CTBP2: variants seen among roughly 807,000 people sequenced by gnomAD.
The protein encoded by CTBP2 is C-terminal binding protein 2, also known as C-terminal-binding protein 2.
A neutral mutation model predicts 80.3 loss-of-function variants in CTBP2; 30 were observed. The ratio of observed to expected loss-of-function variants is 0.37; its 90% CI spans 0.28 to 0.51. The LOEUF (loss-of-function observed/expected upper bound fraction) is 0.51, where lower values mean the gene tolerates loss of function less well. Among genes scored for constraint, CTBP2 ranks in the 20% least tolerant of loss-of-function variants. The pLI, the probability that CTBP2 is intolerant of heterozygous loss-of-function variation, is 0.93. For synonymous variants in CTBP2, 594 were observed against 587.4 expected, an observed-to-expected ratio of 1.01 and a Z score of -0.16; for missense variants, 1,212 against 1,375.3, an observed-to-expected ratio of 0.88 and a Z score of 1.88.
At chr10:125,013,523 G>A (rs192023898) in intron 1 of CTBP2, among the ~76,000 whole-genome samples, 1 of 152,292 alleles carries the variant, frequency 6.6e-6, no homozygotes, top group Non-Finnish European at 1.5e-5. Flanking sequence ...CAAGTTTCTG[G>A]TAACAAAGGG....
At chr10:125,105,626 T>A (rs1238541166) in intron 2 of CTBP2, among the ~76,000 whole-genome samples, 1 of 152,202 alleles carries the variant, frequency 6.6e-6, no homozygotes, top group Non-Finnish European at 1.5e-5. Context: ...AGTGAAATGC[T>A]GTGTGTCCTT....
At chr10:125,053,607 A>T (rs774098167) in intron 2 of CTBP2, among the ~76,000 whole-genome samples, 3 of 152,120 alleles carry the variant, frequency 2.0e-5, no homozygotes, top group Non-Finnish European at 2.9e-5. Context: ...TGAGGCTAAT[A>T]GGTTTTGGTT....
At chr10:125,052,786 ACATTCC>A (rs1398607770) in intron 2 of CTBP2, among the ~76,000 whole-genome samples, 1 of 152,210 alleles carries the variant, frequency 6.6e-6, no homozygotes, top group African/African-American at 2.4e-5. Flanking sequence ...CAGCCCCAAC[ACATTCC>A]CATGGGAGCC....
chr10:125,159,004 G>A lies in CTBP2; in HGVS notation c.-206+1315C>T, dbSNP rs142911325. On this transcript the variant is annotated intron_variant, in intron 1 of 10. Coordinates refer to the CTBP2 transcript ENST00000337195. Reference sequence around the variant, plus strand: ...CCCCAGGGCGCGGCGTGGGCTGCAGGCGACCCGCCACGCCGCTGGGCCTCC... The same window carrying A: ...CCCCAGGGCGCGGCGTGGGCTGCAGACGACCCGCCACGCCGCTGGGCCTCC... Among the ~76,000 whole-genome samples, 415 of 151,426 alleles carry A rather than the reference G, an allele frequency of 2.7e-3. 1 individual carries two copies. Among genetic ancestry groups the A allele is most frequent in the Middle Eastern group, 0.014 (4 of 288 alleles).
intron 8 of CTBP2, among the ~76,000 whole-genome samples, chr10:124,990,416 A>G (rs1162241800): frequency 1.3e-5 from 2 of 152,222 alleles, no homozygotes; most frequent in Non-Finnish European, 2.9e-5. Flanking sequence ...TTTTTATATA[A>G]AACACTGGCA....
upstream of CTBP2, among the ~76,000 whole-genome samples, chr10:125,031,514 G>A (rs1422008710): frequency 2.7e-3 from 107 of 40,128 alleles, no homozygotes; most frequent in South Asian, 5.7e-3. Context: ...AAAAAAAAAA[G>A]TCTTTCCTCT....
intron 2 of CTBP2, among the ~76,000 whole-genome samples, chr10:125,098,053 G>A (rs137906482): frequency 1.6e-4 from 24 of 152,168 alleles, no homozygotes; most frequent in African/African-American, 4.1e-4. Context: ...CCCAGGAGGC[G>A]GAGATCGCAG....
intron 1 of CTBP2, among the ~76,000 whole-genome samples, chr10:125,129,122 T>C (rs575831397): frequency 2.6e-5 from 4 of 152,324 alleles, no homozygotes; most frequent in South Asian, 4.1e-4. Context: ...CTGTGTATAA[T>C]GTACATACAT....
chr10:125,088,579 G>C (rs983525098), intron 2 of CTBP2, among the ~76,000 whole-genome samples: 3 of 152,080 alleles, frequency 2.0e-5, no homozygotes, highest in African/African-American at 4.8e-5. Context: ...AATCACCCCG[G>C]ATAACCTCAG....
chr10:125,159,455 C>G (rs1861557306), intron 1 of CTBP2, among the ~76,000 whole-genome samples: 1 of 145,900 alleles, frequency 6.9e-6, no homozygotes, highest in Admixed American at 6.8e-5. Flanking sequence ...AGGCCCCCCG[C>G]CCCGCCGCGA....
At chr10:124,990,205 C>T (rs184468357) in intron 8 of CTBP2, among the ~76,000 whole-genome samples, 15 of 152,124 alleles carry the variant, frequency 9.9e-5, no homozygotes, top group African/African-American at 2.6e-4. Context: ...CTACCACACC[C>T]GGCTAATTTT....
At chr10:125,063,217 CT>C (rs1844088745) in intron 2 of CTBP2, among the ~76,000 whole-genome samples, 1 of 152,338 alleles carries the variant, frequency 6.6e-6, no homozygotes, top group East Asian at 1.9e-4. Context: ...ATCTGGAAAG[CT>C]AATTACGTGT....
intron 2 of CTBP2, chr10:125,088,214 T>C (rs1352684882): frequency 3.9e-5 from 6 of 152,088 alleles, no homozygotes; most frequent in African/African-American, 9.7e-5. Flanking sequence ...TACTGTACGA[T>C]GTCATTCAAG....
rs775197072 is a variant in CTBP2 at position 124,996,048 on chromosome 10, G to GTTTTGTTTT, written c.2186-1366_2186-1365insAAAACAAAA. 3.4e-4 allele frequency: 45 copies of GTTTTGTTTT among 131,324 alleles called. 1 individual carries two copies. The highest frequency in any genetic ancestry group is 1.4e-3 in the African/African-American group (45 of 32,076). 8.1% of individuals were successfully genotyped at this position (131,324 alleles called of 1,614,324 possible). A position where few individuals can be genotyped will look rare whatever the true frequency, so the allele number is the denominator to read the frequency against. ...GAACCGTGCCGACGGCTATTTCTTTGTTTTTTTTTTTTTTTTTTTTAAAGT... is the reference window on the plus strand; with the variant it reads ...GAACCGTGCCGACGGCTATTTCTTTGTTTTGTTTTTTTTTTTTTTTTTTTTTTTTAAAGT... On this transcript the variant is annotated intron_variant, in intron 4 of 8. Coordinates refer to ENST00000309035, the MANE Select transcript of CTBP2 (RefSeq NM_022802.3).
At chr10:124,995,419 G>C (rs1953344535) in intron 4 of CTBP2, among the ~76,000 whole-genome samples, 1 of 152,222 alleles carries the variant, frequency 6.6e-6, no homozygotes, top group African/African-American at 2.4e-5. Context: ...CAGCTTCCCA[G>C]AGCAGTTTTC....
upstream of CTBP2, among the ~76,000 whole-genome samples, chr10:125,028,579 C>T (rs553208780): frequency 9.2e-5 from 14 of 152,350 alleles, no homozygotes; most frequent in South Asian, 2.5e-3. Flanking sequence ...GAGCTCAAGC[C>T]CAAATGCATT....
At chr10:125,029,113 T>A (rs1188884822), upstream of CTBP2, among the ~76,000 whole-genome samples, 1 of 152,176 alleles carries the variant, frequency 6.6e-6, no homozygotes, top group African/African-American at 2.4e-5. Flanking sequence ...CACTTTAAAA[T>A]GAGACAACAT....
At chr10:125,098,442 C>A (rs556516870) in intron 2 of CTBP2, among the ~76,000 whole-genome samples, 1 of 152,066 alleles carries the variant, frequency 6.6e-6, no homozygotes, top group South Asian at 2.1e-4. Context: ...CTGGTATATG[C>A]GTGGTCCGTA....
At chr10:125,043,497 C>A (rs1016403232) in intron 2 of CTBP2, among the ~76,000 whole-genome samples, 3 of 151,998 alleles carry the variant, frequency 2.0e-5, no homozygotes. Context: ...AGTGCAGGGG[C>A]GCAATCTGGG....
Sources: allele counts gnomAD v4.1 joint callset (sites outside exome capture counted in the v4.1 genomes callset), GRCh38; gene constraint gnomAD v4.1.1; transcripts MANE v1.5; gene names NCBI Gene and HGNC (gene_info 2026-07-23, HGNC 2026-07-21).